The following TMLHE variants were observed in gnomAD, a reference collection of about 807,000 sequenced individuals.
TMLHE encodes trimethyllysine hydroxylase, epsilon.
TMLHE carries 18 observed loss-of-function variants against 25.7 expected under a neutral mutation model. The observed-to-expected ratio is 0.70, with a 90% CI of 0.48 to 1.04. The LOEUF is 1.04. TMLHE is among the 50% of genes least tolerant of loss of function. The probability of loss-of-function intolerance (pLI) is 0.00; values close to 1 mark genes in which losing one functional copy is unlikely to be tolerated. For synonymous variants in TMLHE, 105 were observed against 97.0 expected (o/e 1.08, Z -0.49); for missense variants, 236 against 259.0 (o/e 0.91, Z 0.61).
chrX:155,594,034 G>A (rs2124488098), intron 1 of TMLHE, among the ~76,000 whole-genome samples: 1 of 111,636 alleles, frequency 9.0e-6, no homozygotes, highest in East Asian at 2.8e-4. Context: ...GGAAATAATG[G>A]CTAAAACCTT....
At chrX:155,522,102 A>G (rs2067191420) in intron 3 of TMLHE, among the ~76,000 whole-genome samples, 1 of 112,592 alleles carries the variant, frequency 8.9e-6, no homozygotes. Context: ...TATTAAGGAT[A>G]TTTAGTCTTC....
intron 4 of TMLHE, 78 bp downstream of exon 4, chrX:155,513,908 C>G: frequency 1.9e-6 from 2 of 1,028,895 alleles, no homozygotes; most frequent in African/African-American, 1.9e-5. Flanking sequence ...GTGACCATAC[C>G]TGTTACATTT....
At chrX:155,528,055 C>A (rs1321892762) in intron 2 of TMLHE, among the ~76,000 whole-genome samples, 3 of 110,722 alleles carry the variant, frequency 2.7e-5, no homozygotes, top group Non-Finnish European at 5.7e-5. Flanking sequence ...TGGTAATAAT[C>A]AAAGAAATGG....
At chrX:155,513,436 A>C (rs1284925128) in intron 4 of TMLHE, among the ~76,000 whole-genome samples, 6 of 111,389 alleles carry the variant, frequency 5.4e-5, no homozygotes, top group Non-Finnish European at 1.1e-4. Context: ...CACACTGATC[A>C]GGGTTCCTAT....
chrX:155,549,689 G>A (rs1034857787), intron 1 of TMLHE, among the ~76,000 whole-genome samples: 1 of 109,963 alleles, frequency 9.1e-6, no homozygotes, highest in African/African-American at 3.4e-5. Flanking sequence ...GTGTGTATGT[G>A]TGTGTGTCAT....
chrX:155,555,745 A>G (rs2067448640), intron 1 of TMLHE, among the ~76,000 whole-genome samples: 1 of 109,666 alleles, frequency 9.1e-6, no homozygotes, highest in African/African-American at 3.3e-5. Flanking sequence ...AGTTTGTTTG[A>G]GTTCTTTGTA....
chrX:155,513,664 G>A (rs782260010), intron 4 of TMLHE, among the ~76,000 whole-genome samples: 5 of 109,628 alleles, frequency 4.6e-5, no homozygotes, highest in Non-Finnish European at 9.5e-5. Context: ...ACTACTTGAT[G>A]GTAGAACTCA....
chrX:155,531,254 G>T (rs2067247801), intron 2 of TMLHE, among the ~76,000 whole-genome samples: 1 of 111,805 alleles, frequency 8.9e-6, no homozygotes, highest in Non-Finnish European at 1.9e-5. Context: ...AAATACCTGG[G>T]GCTAGGTAAC....
chrX:155,516,010 CTTCT>C (rs1419356047), intron 3 of TMLHE, among the ~76,000 whole-genome samples: 6 of 67,027 alleles, frequency 9.0e-5, no homozygotes, highest in Non-Finnish European at 1.4e-4. Context: ...TTGTACTTTT[CTTCT>C]TTTTTTTTTT....
At chrX:155,606,644 T>TA (rs782091818) in intron 1 of TMLHE, among the ~76,000 whole-genome samples, 18 of 108,026 alleles carry the variant, frequency 1.7e-4, no homozygotes, top group South Asian at 3.9e-4. Context: ...CATTCAATGA[T>TA]AAAAAAAATG....
chrX:155,513,287 GA>G (rs1257731680), intron 4 of TMLHE, among the ~76,000 whole-genome samples: 5 of 111,365 alleles, frequency 4.5e-5, no homozygotes, highest in African/African-American at 1.3e-4. Flanking sequence ...TAATGGTAAT[GA>G]AAAAAACAAT....
intron 2 of TMLHE, among the ~76,000 whole-genome samples, chrX:155,541,745 A>G (rs1295954489): frequency 9.0e-6 from 1 of 111,620 alleles, no homozygotes; most frequent in African/African-American, 3.3e-5. Flanking sequence ...AATCTAACTG[A>G]TGTGAGATGA....
At chrX:155,544,432 G>A (rs1557338488) in intron 2 of TMLHE, among the ~76,000 whole-genome samples, 1 of 111,860 alleles carries the variant, frequency 8.9e-6, no homozygotes. Context: ...GAGTCATGCT[G>A]GCACAAGCAA....
chrX:155,527,882 A>G (rs1024054791), intron 2 of TMLHE, among the ~76,000 whole-genome samples: 1 of 111,952 alleles, frequency 8.9e-6, no homozygotes, highest in Non-Finnish European at 1.9e-5. Flanking sequence ...TTAAAAGAGA[A>G]GTAACAGGAA....
intron 1 of TMLHE, among the ~76,000 whole-genome samples, chrX:155,547,231 G>A (rs1410770335): frequency 5.5e-5 from 5 of 90,648 alleles, no homozygotes; most frequent in East Asian, 3.6e-4. Context: ...TGCAAGCTCC[G>A]CCTCCCGGGT....
intron 1 of TMLHE, among the ~76,000 whole-genome samples, chrX:155,592,391 T>C (rs2067698565): frequency 8.9e-6 from 1 of 112,052 alleles, no homozygotes; most frequent in Non-Finnish European, 1.9e-5. Context: ...CAAAACATCT[T>C]TGTGAAAACC....
intron 1 of TMLHE, among the ~76,000 whole-genome samples, chrX:155,584,181 A>G (rs891994758): frequency 4.5e-5 from 5 of 110,492 alleles, no homozygotes; most frequent in African/African-American, 1.6e-4. Context: ...CCCAACAAAA[A>G]TTCTGAAACT....
intron 1 of TMLHE, among the ~76,000 whole-genome samples, chrX:155,545,665 G>A (rs1342344441): frequency 8.9e-5 from 10 of 112,042 alleles, no homozygotes; most frequent in South Asian, 7.3e-4. Context: ...ATTACCTAGT[G>A]ACATGGTAAT....
chrX:155,510,219 A>G (rs1287412500), intron 5 of TMLHE, among the ~76,000 whole-genome samples: 1 of 86,948 alleles, frequency 1.2e-5, no homozygotes, highest in African/African-American at 3.8e-5. Context: ...TTTATATAGT[A>G]AGATGAGTTT....
Sources: gnomAD v4.1 joint callset for allele counts (sites outside exome capture counted in the v4.1 genomes callset) on GRCh38, gnomAD v4.1.1 for gene constraint, MANE v1.5 for transcripts, NCBI Gene and HGNC (gene_info 2026-07-23, HGNC 2026-07-21) for gene names.